FBXL2: variants seen among roughly 807,000 people sequenced by gnomAD.
FBXL2 encodes the protein F-box/LRR-repeat protein 2.
A neutral mutation model predicts 69.2 loss-of-function variants in FBXL2; 38 were observed. That is an observed-to-expected ratio of 0.55 (90% confidence interval 0.42 to 0.72). The LOEUF is 0.72. FBXL2 is among the 30% of genes least tolerant of loss of function. The probability of loss-of-function intolerance (pLI) is 0.00; values close to 1 mark genes in which losing one functional copy is unlikely to be tolerated. For missense variants in FBXL2, 354 were observed against 520.3 expected (o/e 0.68, Z 3.11); for synonymous variants, 192 against 201.3 (o/e 0.95, Z 0.39).
chr3:33,328,452 AC>A (rs752532599), intron 2 of FBXL2, among the ~76,000 whole-genome samples: 1 of 152,196 alleles, frequency 6.6e-6, no homozygotes, highest in Non-Finnish European at 1.5e-5. Flanking sequence ...AAAATGTACT[AC>A]AGAGCTATAG....
At chr3:33,347,422 G>A (rs1205788637) in intron 2 of FBXL2, among the ~76,000 whole-genome samples, 1 of 152,190 alleles carries the variant, frequency 6.6e-6, no homozygotes, top group East Asian at 1.9e-4. Flanking sequence ...TTCGTCTGCT[G>A]ATGGACACTT....
chr3:33,292,731 A>AT (rs1451615616), intron 1 of FBXL2, among the ~76,000 whole-genome samples: 2 of 152,078 alleles, frequency 1.3e-5, no homozygotes, highest in East Asian at 1.9e-4. Context: ...GGCAGAATGG[A>AT]TAAAAAAAAA....
At chr3:33,279,445 A>G (rs1375088865) in intron 1 of FBXL2, among the ~76,000 whole-genome samples, 1 of 151,832 alleles carries the variant, frequency 6.6e-6, no homozygotes, top group African/African-American at 2.4e-5. Context: ...TAATTTTTGT[A>G]TTTTTAGTAG....
chr3:33,419,509 T>C, the FBXL2 span, among the ~76,000 whole-genome samples: 3 of 151,942 alleles, frequency 2.0e-5, no homozygotes, highest in African/African-American at 7.3e-5. Flanking sequence ...GCACCTGTAA[T>C]GCCAGCTACT....
chr3:33,312,507 A>G (rs2037302656), intron 2 of FBXL2, among the ~76,000 whole-genome samples: 1 of 152,192 alleles, frequency 6.6e-6, no homozygotes, highest in African/African-American at 2.4e-5. Context: ...TTGAAGAAGT[A>G]GGGACTTACT....
At chr3:33,375,735 T>C (rs1270841828) in intron 10 of FBXL2, among the ~76,000 whole-genome samples, 1 of 152,054 alleles carries the variant, frequency 6.6e-6, no homozygotes, top group Non-Finnish European at 1.5e-5. Flanking sequence ...GTGAGGAGAG[T>C]GATAGCCTCA....
chr3:33,416,882 A>C, the FBXL2 span: 1 of 1,441,342 alleles, frequency 6.9e-7, no homozygotes, highest in African/African-American at 1.4e-5. Flanking sequence ...AAAGAACATC[A>C]CTTTGCTTAA....
downstream of FBXL2, chr3:33,392,749 G>A (rs1453956020): frequency 3.8e-6 from 3 of 779,774 alleles, no homozygotes; most frequent in Non-Finnish European, 6.1e-6. Flanking sequence ...TGAAGGCAGT[G>A]TGAGGCAGCA....
chr3:33,393,422 C>G, intron 12 of FBXL2: 1 of 1,609,070 alleles, frequency 6.2e-7, no homozygotes, highest in Non-Finnish European at 8.5e-7. Context: ...ACTTCTGAGG[C>G]AATCATTTCT....
chr3:33,412,950 C>G, the FBXL2 span: 1 of 609,276 alleles, frequency 1.6e-6, no homozygotes, highest in Non-Finnish European at 3.0e-6. Context: ...CTGTTTTAAA[C>G]ATTCTGTAAG....
At chr3:33,358,830 C>T (rs2041403752) in intron 2 of FBXL2, 137 bp from the exon 3 acceptor site, 1 of 497,858 alleles carries the variant, frequency 2.0e-6, no homozygotes, top group Non-Finnish European at 3.6e-6. Context: ...AGTTATAGTG[C>T]ACTTGTATAT....
At chr3:33,394,817 G>GTTTTTTT (rs76142927) in intron 12 of FBXL2, among the ~76,000 whole-genome samples, 1 of 110,438 alleles carries the variant, frequency 9.1e-6, no homozygotes. Flanking sequence ...CCCTCCACTT[G>GTTTTTTT]TTTTTTTTTT....
chr3:33,384,809 G>A (rs2043306192), intron 14 of FBXL2, among the ~76,000 whole-genome samples: 1 of 152,128 alleles, frequency 6.6e-6, no homozygotes, highest in Admixed American at 6.5e-5. Flanking sequence ...GGGAGGCCGA[G>A]GCGGGCGGAT....
At chr3:33,305,199 T>C (rs773981932) in intron 2 of FBXL2, among the ~76,000 whole-genome samples, 1 of 151,982 alleles carries the variant, frequency 6.6e-6, no homozygotes, top group Non-Finnish European at 1.5e-5. Flanking sequence ...CTCCTTACCC[T>C]GAAGACAAAG....
chr3:33,399,332 T>C (rs116783914), intron 12 of FBXL2, among the ~76,000 whole-genome samples: 233 of 152,352 alleles, frequency 1.5e-3, no homozygotes, highest in African/African-American at 4.9e-3. Context: ...AGGTTTCCTA[T>C]AGCACTACCT....
chr3:33,280,943 C>T (rs2033929809), intron 1 of FBXL2, among the ~76,000 whole-genome samples: 1 of 152,102 alleles, frequency 6.6e-6, no homozygotes, highest in African/African-American at 2.4e-5. Flanking sequence ...ACACTTCTCT[C>T]TCTGTATTTG....
chr3:33,315,939 C>T (rs138786921), intron 2 of FBXL2, among the ~76,000 whole-genome samples: 3 of 152,106 alleles, frequency 2.0e-5, no homozygotes, highest in East Asian at 1.9e-4. Context: ...TCTTAGTCAT[C>T]GCCATTGTTG....
At chr3:33,413,559 A>AC in the FBXL2 span, among the ~76,000 whole-genome samples, 1 of 151,788 alleles carries the variant, frequency 6.6e-6, no homozygotes, top group African/African-American at 2.4e-5. Flanking sequence ...AAAAAAAAAA[A>AC]AAAAAACTTT....
chr3:33,278,811 A>T (rs2033631555), intron 1 of FBXL2, among the ~76,000 whole-genome samples: 1 of 152,190 alleles, frequency 6.6e-6, no homozygotes, highest in Admixed American at 6.5e-5. Flanking sequence ...AGTTTCAGAA[A>T]CTGAATTTTA....
Sources: gnomAD v4.1 joint callset for allele counts (sites outside exome capture counted in the v4.1 genomes callset) on GRCh38, gnomAD v4.1.1 for gene constraint, MANE v1.5 for transcripts, NCBI Gene and HGNC (gene_info 2026-07-23, HGNC 2026-07-21) for gene names.